The following LRRC4C variants were observed in gnomAD, a reference collection of about 807,000 sequenced individuals.
The protein encoded by LRRC4C is leucine rich repeat containing 4C.
A neutral mutation model predicts 33.6 loss-of-function variants in LRRC4C; 5 were observed. The ratio of observed to expected loss-of-function variants is 0.15; its 90% CI spans 0.08 to 0.31. LRRC4C has a LOEUF of 0.31. Among genes scored for constraint, LRRC4C ranks in the 10% least tolerant of loss-of-function variants. LRRC4C has a pLI of 1.00. For synonymous variants in LRRC4C, 329 were observed against 302.0 expected (o/e 1.09, Z -0.93); for missense variants, 560 against 796.7 (o/e 0.70, Z 3.58).
At chr11:40,226,654 T>C (rs2135969031) in intron 5 of LRRC4C, among the ~76,000 whole-genome samples, 1 of 152,316 alleles carries the variant, frequency 6.6e-6, no homozygotes, top group South Asian at 2.1e-4. Flanking sequence ...CACAGAGCAC[T>C]GGGTCTAAGA....
chr11:41,178,019 GTCA>G (rs1945279742), intron 1 of LRRC4C, among the ~76,000 whole-genome samples: 1 of 152,110 alleles, frequency 6.6e-6, no homozygotes, highest in Non-Finnish European at 1.5e-5. Context: ...TATATAACAT[GTCA>G]CCTCCTATTT....
intron 3 of LRRC4C, among the ~76,000 whole-genome samples, chr11:40,374,492 C>T (rs1948583575): frequency 6.6e-6 from 1 of 152,080 alleles, no homozygotes; most frequent in African/African-American, 2.4e-5. Flanking sequence ...TATCTATTGT[C>T]TATTGAATAC....
intron 1 of LRRC4C, among the ~76,000 whole-genome samples, chr11:41,081,404 G>A (rs1939558171): frequency 1.3e-5 from 2 of 152,176 alleles, no homozygotes; most frequent in Non-Finnish European, 2.9e-5. Context: ...ATGCAGCAGT[G>A]AATTCTCACC....
chr11:40,368,270 T>C (rs942654598), intron 3 of LRRC4C, among the ~76,000 whole-genome samples: 6 of 152,156 alleles, frequency 3.9e-5, no homozygotes, highest in African/African-American at 1.4e-4. Context: ...CTTTTCAATA[T>C]ACTAACTTCA....
chr11:40,817,259 CTCTT>C (rs1951743678), intron 2 of LRRC4C, among the ~76,000 whole-genome samples: 2 of 152,116 alleles, frequency 1.3e-5, no homozygotes, highest in South Asian at 4.1e-4. Context: ...TCCTCAATGA[CTCTT>C]TTTCATCATA....
intron 1 of LRRC4C, among the ~76,000 whole-genome samples, chr11:41,106,914 G>A (rs1390943464): frequency 6.6e-6 from 1 of 151,958 alleles, no homozygotes; most frequent in African/African-American, 2.4e-5. Flanking sequence ...TTGGGAGGGT[G>A]GGGCAGGAGG....
intron 6 of LRRC4C, among the ~76,000 whole-genome samples, chr11:40,122,788 C>T (rs1397568195): frequency 7.3e-6 from 1 of 137,624 alleles, no homozygotes; most frequent in Non-Finnish European, 1.5e-5. Context: ...AAATTTGTTG[C>T]CTACCCAAAC....
intron 2 of LRRC4C, among the ~76,000 whole-genome samples, chr11:40,650,974 AC>A (rs956902853): frequency 1.5e-4 from 23 of 152,134 alleles, no homozygotes; most frequent in Non-Finnish European, 4.4e-5. Context: ...CTTGTAGCCA[AC>A]AAATACTTGT....
intron 1 of LRRC4C, among the ~76,000 whole-genome samples, chr11:40,938,865 C>T (rs1164381150): frequency 6.6e-6 from 1 of 152,162 alleles, no homozygotes; most frequent in Admixed American, 6.6e-5. Flanking sequence ...TTCTGTCTTG[C>T]AAATGCATCA....
intron 1 of LRRC4C, among the ~76,000 whole-genome samples, chr11:41,102,166 C>T (rs773535772): frequency 1.1e-4 from 16 of 151,904 alleles, no homozygotes; most frequent in Non-Finnish European, 2.1e-4. Flanking sequence ...TTTAATATTA[C>T]TCTGCACACT....
intron 4 of LRRC4C, among the ~76,000 whole-genome samples, chr11:40,260,501 A>G (rs915403300): frequency 1.3e-4 from 19 of 151,432 alleles, no homozygotes; most frequent in Non-Finnish European, 2.2e-4. Flanking sequence ...ACATGTATAC[A>G]TATGTAACTA....
At chr11:41,361,191 T>C (rs1002990900) in intron 1 of LRRC4C, among the ~76,000 whole-genome samples, 20 of 152,234 alleles carry the variant, frequency 1.3e-4, no homozygotes, top group African/African-American at 4.6e-4. Flanking sequence ...AAGAGCATAA[T>C]GTTTCTCCAG....
chr11:40,701,190 A>C (rs1030359950), intron 2 of LRRC4C, among the ~76,000 whole-genome samples: 11 of 152,178 alleles, frequency 7.2e-5, no homozygotes, highest in Admixed American at 2.6e-4. Context: ...TCACTCTCCC[A>C]GTGCTAAGAA....
chr11:41,296,417 T>C (rs2958862), intron 1 of LRRC4C, among the ~76,000 whole-genome samples: 120,642 of 151,828 alleles, frequency 0.79, 48,522 homozygotes, highest in Admixed American at 0.86. Context: ...CAGGTTCAAG[T>C]GATCCTCCTG....
At chr11:40,279,019 A>G (rs1943297719) in intron 4 of LRRC4C, among the ~76,000 whole-genome samples, 1 of 152,174 alleles carries the variant, frequency 6.6e-6, no homozygotes, top group South Asian at 2.1e-4. Flanking sequence ...GGAATGCAAA[A>G]CAATGGCTTG....
At chr11:40,190,430 C>A (rs1360705310) in intron 5 of LRRC4C, among the ~76,000 whole-genome samples, 2 of 152,158 alleles carry the variant, frequency 1.3e-5, no homozygotes, top group Admixed American at 1.3e-4. Flanking sequence ...GACTTGGGAA[C>A]CACTGGCCGA....
chr11:40,613,024 T>G (rs989127565), intron 3 of LRRC4C, among the ~76,000 whole-genome samples: 24 of 151,922 alleles, frequency 1.6e-4, no homozygotes, highest in Non-Finnish European at 3.1e-4. Context: ...AGCATCTGAG[T>G]CTCCAGCAAT....
chr11:40,646,881 C>T (rs1942497051), intron 3 of LRRC4C, among the ~76,000 whole-genome samples: 1 of 152,192 alleles, frequency 6.6e-6, no homozygotes, highest in Admixed American at 6.5e-5. Flanking sequence ...GCTGGGATTA[C>T]AGGTGTGAGC....
chr11:40,387,299 TC>T (rs1276794428), intron 3 of LRRC4C, among the ~76,000 whole-genome samples: 1 of 152,158 alleles, frequency 6.6e-6, no homozygotes, highest in Non-Finnish European at 1.5e-5. Context: ...AATAACATTA[TC>T]CTTATTTCTT....
Sources: gnomAD v4.1 joint callset for allele counts (sites outside exome capture counted in the v4.1 genomes callset) on GRCh38, gnomAD v4.1.1 for gene constraint, MANE v1.5 for transcripts, NCBI Gene and HGNC (gene_info 2026-07-23, HGNC 2026-07-21) for gene names.